MYO10: variants seen among roughly 807,000 people sequenced by gnomAD.
The protein encoded by MYO10 is myosin X.
In MYO10, 133 loss-of-function variants were observed where a neutral mutation model predicts 257.3. The observed-to-expected ratio is 0.52, with a 90% CI of 0.45 to 0.60. The LOEUF (loss-of-function observed/expected upper bound fraction) is 0.60. Ranked by LOEUF, MYO10 falls within the 20% of genes least tolerant of loss-of-function variation. MYO10 has a pLI of 0.00. For missense variants in MYO10, 2,399 were observed against 2,635.7 expected (o/e 0.91, Z 1.97); for synonymous variants, 1,104 against 1,028.6 (o/e 1.07, Z -1.40).
chr5:16,812,743 G>T (rs1340454768), intron 3 of MYO10, among the ~76,000 whole-genome samples: 1 of 152,194 alleles, frequency 6.6e-6, no homozygotes, highest in Non-Finnish European at 1.5e-5. Flanking sequence ...AAAGTTCCCA[G>T]AGCTTTCACT....
intron 1 of MYO10, 38 bp from the exon 2 acceptor site, chr5:16,877,745 T>C (rs772685105): frequency 6.5e-7 from 1 of 1,547,132 alleles, no homozygotes; most frequent in Admixed American, 1.7e-5. Flanking sequence ...TGAGTTTGGA[T>C]TGCATTTTGT....
chr5:16,742,051 G>T (rs1740034567), intron 19 of MYO10: 2 of 985,368 alleles, frequency 2.0e-6, no homozygotes, highest in Non-Finnish European at 2.4e-6. Flanking sequence ...GACTGCAGGG[G>T]CAAACTAACC....
At position 16,835,492 on chromosome 5, in the gene MYO10, G is replaced by GTTTTT. The variant is rs1554001242; in HGVS notation, c.121-17330_121-17326dup. 5.4e-3 allele frequency among the ~76,000 whole-genome samples: 435 copies of GTTTTT among 81,034 alleles called. 16 individuals are homozygous for GTTTTT. Among genetic ancestry groups the GTTTTT allele is most frequent in the East Asian group, 0.013 (30 of 2,348 alleles). The allele number at this position is 81,034 out of a possible 152,430, so 53.2% of individuals were successfully genotyped here. A position where few individuals can be genotyped will look rare whatever the true frequency, so the allele number is the denominator to read the frequency against. On this transcript the variant is annotated intron_variant, in intron 2 of 40. Transcript: ENST00000513610. ...GATCACACCAAAGTCATTTTTGGCTGTTTTTTTTTTTTTTTTTTTTTTTGG... is the reference window on the plus strand; with the variant it reads ...GATCACACCAAAGTCATTTTTGGCTGTTTTTTTTTTTTTTTTTTTTTTTTTTTTGG...
chr5:16,898,039 G>A (rs2126781214), intron 1 of MYO10, among the ~76,000 whole-genome samples: 1 of 152,158 alleles, frequency 6.6e-6, no homozygotes, highest in Middle Eastern at 3.4e-3. Context: ...CCCAGGCTGG[G>A]AGATAAGCAC....
In MYO10 at chr5:16,672,802, G is replaced by A; in HGVS notation, c.5196C>T (p.Gly1732=). Residue 1732 remains glycine (G), a synonymous_variant, in exon 37 of 41, where the codon GGC becomes GGT. Coordinates refer to ENST00000513610, the MANE Select transcript of MYO10 (RefSeq NM_012334.3). ...AGEVVEKLIR[G]LAMEDSRNMF... is the part of the protein sequence containing the mutation. ...TGTTCCTGCTGTCCTCCATGGCCAG[G>A]CCTCGGATCAGCTTCTCCACCACCT... 1 of 1,613,584 alleles carries A rather than the reference G, an allele frequency of 6.2e-7. No homozygotes were observed. The highest frequency in any genetic ancestry group is 8.5e-7 in the Non-Finnish European group (1 of 1,179,742).
intron 1 of MYO10, among the ~76,000 whole-genome samples, chr5:16,886,655 G>A (rs1744905036): frequency 6.6e-6 from 1 of 152,102 alleles, no homozygotes; most frequent in Non-Finnish European, 1.5e-5. Context: ...ACTGCGGCTG[G>A]GCACAGTGGC....
At chr5:16,906,218 C>A (rs923414582) in intron 1 of MYO10, among the ~76,000 whole-genome samples, 8 of 152,124 alleles carry the variant, frequency 5.3e-5, no homozygotes, top group African/African-American at 1.9e-4. Context: ...AGAATGGACC[C>A]CCCCATTCCT....
chr5:16,920,240 C>T (rs562163571), intron 1 of MYO10, among the ~76,000 whole-genome samples: 1 of 152,294 alleles, frequency 6.6e-6, no homozygotes, highest in East Asian at 1.9e-4. Context: ...CGCCACTGCA[C>T]TCCAGCCTGA....
chr5:16,760,461 CAA>C (rs1160701199), intron 17 of MYO10, among the ~76,000 whole-genome samples: 3 of 85,218 alleles, frequency 3.5e-5, no homozygotes, highest in Admixed American at 1.3e-4. Flanking sequence ...ACCCTGTCTC[CAA>C]AAAAAAAAAA....
intron 2 of MYO10, among the ~76,000 whole-genome samples, chr5:16,839,157 T>A (rs938500368): frequency 5.9e-5 from 9 of 152,128 alleles, no homozygotes; most frequent in Admixed American, 2.0e-4. Flanking sequence ...ATATACCTAG[T>A]GCCATAGTAG....
At chr5:16,725,110 A>G (rs250461) in intron 19 of MYO10, among the ~76,000 whole-genome samples, 1 of 108,794 alleles carries the variant, frequency 9.2e-6, no homozygotes, top group Non-Finnish European at 1.7e-5. Flanking sequence ...TTTTTGAGAC[A>G]GAGTCTTCCT....
intron 2 of MYO10, among the ~76,000 whole-genome samples, chr5:16,838,208 A>G (rs1743370528): frequency 6.6e-6 from 1 of 152,264 alleles, no homozygotes; most frequent in African/African-American, 2.4e-5. Flanking sequence ...TGAGTGAGGA[A>G]GGCATGGCGA....
intron 2 of MYO10, among the ~76,000 whole-genome samples, chr5:16,855,495 T>C (rs897634824): frequency 3.5e-4 from 53 of 152,194 alleles, no homozygotes; most frequent in African/African-American, 1.2e-3. Flanking sequence ...TATAAATACA[T>C]CTTATATCAG....
At chr5:16,790,642 T>C (rs1434613773) in intron 4 of MYO10, among the ~76,000 whole-genome samples, 1 of 152,192 alleles carries the variant, frequency 6.6e-6, no homozygotes, top group Non-Finnish European at 1.5e-5. Context: ...TCTCCTTGCC[T>C]TCCACCATGA....
chr5:16,693,971 C>T (rs1357422682), intron 27 of MYO10, among the ~76,000 whole-genome samples: 5 of 152,160 alleles, frequency 3.3e-5, no homozygotes, highest in Admixed American at 3.3e-4. Context: ...CTCCTCCAGT[C>T]TGTCTGCTTT....
chr5:16,823,152 G>A (rs34077698), intron 2 of MYO10, among the ~76,000 whole-genome samples: 1 of 150,620 alleles, frequency 6.6e-6, no homozygotes, highest in South Asian at 2.2e-4. Context: ...TTAAAGAATG[G>A]CATTACTGGC....
chr5:16,782,807 T>C (rs940500232), intron 5 of MYO10, among the ~76,000 whole-genome samples: 2 of 152,138 alleles, frequency 1.3e-5, no homozygotes, highest in African/African-American at 4.8e-5. Flanking sequence ...TTCTAAGTTT[T>C]GAGGCTCCCT....
chr5:16,783,043 G>A (rs2126670791), intron 5 of MYO10, among the ~76,000 whole-genome samples: 1 of 152,214 alleles, frequency 6.6e-6, no homozygotes, highest in African/African-American at 2.4e-5. Context: ...TCTGATGCAG[G>A]TGCTTCAAAA....
chr5:16,886,614 G>A (rs1238967784), intron 1 of MYO10, among the ~76,000 whole-genome samples: 1 of 152,064 alleles, frequency 6.6e-6, no homozygotes, highest in Non-Finnish European at 1.5e-5. Context: ...TCTCAAGCTT[G>A]CCTATGGGCT....
Sources: gnomAD v4.1 joint callset for allele counts (sites outside exome capture counted in the v4.1 genomes callset) on GRCh38, gnomAD v4.1.1 for gene constraint, MANE v1.5 for transcripts, NCBI Gene and HGNC (gene_info 2026-07-23, HGNC 2026-07-21) for gene names.